Variants in NKAIN2 observed in about 807,000 individuals in gnomAD.
NKAIN2 encodes sodium/potassium-transporting ATPase subunit beta-1-interacting protein 2.
A neutral mutation model predicts 32.6 loss-of-function variants in NKAIN2; 14 were observed. That is an observed-to-expected ratio of 0.43 (90% CI 0.28 to 0.67). The LOEUF (loss-of-function observed/expected upper bound fraction) is 0.67. Ranked by LOEUF, NKAIN2 falls within the 30% of genes least tolerant of loss-of-function variation. The probability of loss-of-function intolerance (pLI) is 0.17; values close to 1 mark genes in which losing one functional copy is unlikely to be tolerated. For missense variants in NKAIN2, 198 were observed against 258.3 expected (o/e 0.77, Z 1.60); for synonymous variants, 80 against 87.2 (o/e 0.92, Z 0.46).
At chr6:124,077,031 C>A (rs763534302) in intron 1 of NKAIN2, among the ~76,000 whole-genome samples, 5 of 152,172 alleles carry the variant, frequency 3.3e-5, no homozygotes, top group Non-Finnish European at 5.9e-5. Flanking sequence ...GCACTTACTG[C>A]ATAATGCACT....
At chr6:124,180,618 C>T (rs936466167) in intron 1 of NKAIN2, among the ~76,000 whole-genome samples, 2 of 152,140 alleles carry the variant, frequency 1.3e-5, no homozygotes, top group Non-Finnish European at 2.9e-5. Flanking sequence ...CAGCAGTCCC[C>T]AAAGTCTTAA....
chr6:124,619,595 T>C (rs1318479431), intron 3 of NKAIN2, among the ~76,000 whole-genome samples: 1 of 152,156 alleles, frequency 6.6e-6, no homozygotes, highest in Non-Finnish European at 1.5e-5. Flanking sequence ...CCTGCCCTTT[T>C]ACAGAGCCCA....
At chr6:124,090,667 A>G (rs1784376870) in intron 1 of NKAIN2, among the ~76,000 whole-genome samples, 1 of 152,024 alleles carries the variant, frequency 6.6e-6, no homozygotes, top group South Asian at 2.1e-4. Context: ...AACTAAACAA[A>G]TTACTTTACT....
chr6:123,946,481 TACA>T (rs1318240790), intron 1 of NKAIN2, among the ~76,000 whole-genome samples: 2 of 152,170 alleles, frequency 1.3e-5, no homozygotes, highest in African/African-American at 4.8e-5. Flanking sequence ...ATGGAAATTT[TACA>T]ACATGTTTCC....
intron 3 of NKAIN2, among the ~76,000 whole-genome samples, chr6:124,534,854 T>C (rs1212112356): frequency 6.6e-6 from 1 of 152,228 alleles, no homozygotes; most frequent in Non-Finnish European, 1.5e-5. Context: ...ACTTTACATG[T>C]ACAGTTGTCC....
intron 1 of NKAIN2, among the ~76,000 whole-genome samples, chr6:124,197,835 TGG>T (rs1790389062): frequency 9.5e-6 from 1 of 105,268 alleles, no homozygotes; most frequent in African/African-American, 3.3e-5. Context: ...AACCTGTGTC[TGG>T]TTTTTTTTTT....
chr6:124,781,408 C>G (rs55901581), intron 4 of NKAIN2, among the ~76,000 whole-genome samples: 1 of 151,888 alleles, frequency 6.6e-6, no homozygotes, highest in Non-Finnish European at 1.5e-5. Flanking sequence ...ATATAGTGAA[C>G]AGTAATGGCA....
At chr6:124,762,549 TA>T (rs1044255877) in intron 4 of NKAIN2, among the ~76,000 whole-genome samples, 1 of 152,234 alleles carries the variant, frequency 6.6e-6, no homozygotes, top group African/African-American at 2.4e-5. Context: ...AAAAATGTGA[TA>T]AACTCTAAAG....
At chr6:123,916,163 C>T (rs933925918) in intron 1 of NKAIN2, among the ~76,000 whole-genome samples, 1 of 152,242 alleles carries the variant, frequency 6.6e-6, no homozygotes, top group Admixed American at 6.5e-5. Context: ...AGGGCACATG[C>T]ACTTTGAGAT....
intron 1 of NKAIN2, among the ~76,000 whole-genome samples, chr6:124,150,573 AT>A (rs1298589246): frequency 6.6e-6 from 1 of 152,110 alleles, no homozygotes; most frequent in African/African-American, 2.4e-5. Flanking sequence ...ATTACAATTT[AT>A]TTAACCAGTT....
At chr6:124,817,731 A>G (rs1781229812) in intron 5 of NKAIN2, among the ~76,000 whole-genome samples, 1 of 152,210 alleles carries the variant, frequency 6.6e-6, no homozygotes, top group South Asian at 2.1e-4. Context: ...GCCATTTTGG[A>G]AAATATAATC....
intron 4 of NKAIN2, among the ~76,000 whole-genome samples, chr6:124,731,661 T>C (rs1776681702): frequency 6.6e-6 from 1 of 151,442 alleles, no homozygotes; most frequent in East Asian, 1.9e-4. Flanking sequence ...TATACATATG[T>C]AACTAACCTG....
intron 3 of NKAIN2, among the ~76,000 whole-genome samples, chr6:124,620,509 G>A (rs1783067334): frequency 6.6e-6 from 1 of 152,106 alleles, no homozygotes; most frequent in African/African-American, 2.4e-5. Context: ...AATTCCCACT[G>A]TTTTAGGAAT....
intron 5 of NKAIN2, among the ~76,000 whole-genome samples, chr6:124,799,369 G>A (rs1780153722): frequency 6.6e-6 from 1 of 152,144 alleles, no homozygotes. Flanking sequence ...GGATGTTCAG[G>A]TCAAAACTGA....
intron 1 of NKAIN2, among the ~76,000 whole-genome samples, chr6:124,187,051 A>G (rs539736889): frequency 1.1e-4 from 17 of 152,234 alleles, no homozygotes; most frequent in African/African-American, 3.4e-4. Flanking sequence ...GGATTTATCT[A>G]TTCTATACCT....
intron 1 of NKAIN2, among the ~76,000 whole-genome samples, chr6:123,934,842 G>A (rs1238658476): frequency 6.6e-6 from 1 of 151,580 alleles, no homozygotes; most frequent in African/African-American, 2.4e-5. Context: ...TGATGCCTTA[G>A]CTGTGCTGTT....
At chr6:124,206,828 ACAAGT>A (rs1416165890) in intron 1 of NKAIN2, among the ~76,000 whole-genome samples, 1 of 151,888 alleles carries the variant, frequency 6.6e-6, no homozygotes, top group Non-Finnish European at 1.5e-5. Context: ...ACAAAGACTA[ACAAGT>A]CAAGGTCAGT....
chr6:124,182,276 G>A lies in NKAIN2; in HGVS notation c.55-100729G>A, dbSNP rs59218428. ...CTCCCATGACATGTGGGAATTATGG[G>A]AGCTACAACTCAAGATGAGATTTGG... On this transcript the variant is annotated intron_variant, in intron 1 of 6. Transcript: ENST00000368417. 3.9e-3 allele frequency among the ~76,000 whole-genome samples: 598 copies of A among 152,230 alleles called. 5 individuals carry two copies. The highest frequency in any genetic ancestry group is 0.014 in the African/African-American group (573 of 41,552).
At chr6:124,437,590 T>C (rs1028034605) in intron 3 of NKAIN2, among the ~76,000 whole-genome samples, 2 of 152,142 alleles carry the variant, frequency 1.3e-5, no homozygotes, top group African/African-American at 4.8e-5. Flanking sequence ...TTCAACAATA[T>C]GGAACAAGAG....
Sources: gnomAD v4.1 joint callset for allele counts (sites outside exome capture counted in the v4.1 genomes callset) on GRCh38, gnomAD v4.1.1 for gene constraint, MANE v1.5 for transcripts, NCBI Gene and HGNC (gene_info 2026-07-23, HGNC 2026-07-21) for gene names.